ARID1B: variants seen among roughly 807,000 people sequenced by gnomAD.
ARID1B encodes AT-rich interactive domain-containing protein 1B.
A neutral mutation model predicts 212.3 loss-of-function variants in ARID1B; 30 were observed. That is an observed-to-expected ratio of 0.14 (90% confidence interval 0.11 to 0.19). The LOEUF is 0.19. Among genes scored for constraint, ARID1B ranks in the 10% least tolerant of loss-of-function variants. The pLI is 1.00. For missense variants in ARID1B, 2,891 were observed against 3,204.0 expected (o/e 0.90, Z 2.36); for synonymous variants, 1,402 against 1,301.7 (o/e 1.08, Z -1.66).
At chr6:156,991,366 G>T (rs1298888388) in intron 4 of ARID1B, among the ~76,000 whole-genome samples, 1 of 152,164 alleles carries the variant, frequency 6.6e-6, no homozygotes, top group Non-Finnish European at 1.5e-5. Context: ...AAGTAGCTGG[G>T]ATTACAGGTG....
At chr6:156,785,923 T>C (rs1779600518) in intron 1 of ARID1B, among the ~76,000 whole-genome samples, 1 of 152,208 alleles carries the variant, frequency 6.6e-6, no homozygotes, top group South Asian at 2.1e-4. Context: ...GAGGATCTCT[T>C]TGGAGATGTG....
At chr6:156,972,305 A>C (rs1003353299) in intron 4 of ARID1B, among the ~76,000 whole-genome samples, 1 of 152,118 alleles carries the variant, frequency 6.6e-6, no homozygotes, top group Non-Finnish European at 1.5e-5. Flanking sequence ...GACCTTATTT[A>C]GCTGTGGGGC....
At chr6:156,939,196 G>A (rs1024862061) in intron 4 of ARID1B, 2 of 152,134 alleles carry the variant, frequency 1.3e-5, no homozygotes, top group South Asian at 2.1e-4. Context: ...TAAAATTTGA[G>A]CACATTTAGC....
chr6:157,145,439 C>T (rs1407906094), intron 7 of ARID1B, among the ~76,000 whole-genome samples: 2 of 152,140 alleles, frequency 1.3e-5, no homozygotes, highest in African/African-American at 4.8e-5. Flanking sequence ...AAAAAGCGTG[C>T]CTGCCCACAT....
chr6:157,124,857 C>G (rs1788031819), intron 6 of ARID1B, among the ~76,000 whole-genome samples: 1 of 151,794 alleles, frequency 6.6e-6, no homozygotes, highest in Non-Finnish European at 1.5e-5. Context: ...TGATTTGAAG[C>G]TGAAATGGGC....
At position 156,895,714 on chromosome 6, in the gene ARID1B, G is replaced by C. The variant is rs115350974; in HGVS notation, c.1987-5662G>C. Among the ~76,000 whole-genome samples the C allele has an allele frequency of 5.5e-3, 830 of 151,426 alleles. 5 individuals carry two copies. Among genetic ancestry groups the C allele is most frequent in the African/African-American group, 0.019 (766 of 40,900 alleles). Reference sequence around the variant, plus strand: ...TAACAGACACACTTGTGTAATTACAGATACAGTATATACAGGTGTATACAC... The same window carrying C: ...TAACAGACACACTTGTGTAATTACACATACAGTATATACAGGTGTATACAC... On this transcript the variant is annotated intron_variant, in intron 2 of 19. Coordinates refer to ENST00000636930, the MANE Select transcript of ARID1B (RefSeq NM_001374828.1).
At chr6:157,052,471 C>T (rs1045838169) in intron 4 of ARID1B, among the ~76,000 whole-genome samples, 1 of 152,170 alleles carries the variant, frequency 6.6e-6, no homozygotes, top group Non-Finnish European at 1.5e-5. Flanking sequence ...TTTGCACATT[C>T]CTTGTGAAAC....
chr6:156,797,245 C>A (rs1780447690), intron 1 of ARID1B, among the ~76,000 whole-genome samples: 2 of 152,114 alleles, frequency 1.3e-5, no homozygotes, highest in Non-Finnish European at 2.9e-5. Flanking sequence ...AAATTTAATC[C>A]CAGAGACAGC....
At chr6:157,072,013 A>G (rs1332428245) in intron 4 of ARID1B, 1 of 152,230 alleles carries the variant, frequency 6.6e-6, no homozygotes, top group Non-Finnish European at 1.5e-5. Flanking sequence ...CTTAGTAAAA[A>G]TATTAGGTTG....
chr6:156,825,145 G>A (rs879597338), intron 1 of ARID1B, among the ~76,000 whole-genome samples: 2 of 152,188 alleles, frequency 1.3e-5, no homozygotes, highest in African/African-American at 2.4e-5. Flanking sequence ...GATTACAGGC[G>A]TGAGCCGCCG....
chr6:156,916,921 CAAAG>C (rs1475609988), intron 3 of ARID1B, among the ~76,000 whole-genome samples: 1 of 152,144 alleles, frequency 6.6e-6, no homozygotes, highest in Admixed American at 6.5e-5. Context: ...TCAGGTAACT[CAAAG>C]AGAGTTGCCT....
intron 4 of ARID1B, among the ~76,000 whole-genome samples, chr6:157,060,740 T>C (rs1248701060): frequency 1.4e-5 from 2 of 143,398 alleles, no homozygotes; most frequent in African/African-American, 5.2e-5. Flanking sequence ...TGGTAATAAA[T>C]ATCTGCTGAT....
intron 8 of ARID1B, chr6:157,150,821 G>C: frequency 5.5e-6 from 1 of 182,416 alleles, no homozygotes; most frequent in East Asian, 8.9e-5. Flanking sequence ...GCAACTCTCA[G>C]GCTCCCATGG....
At chr6:156,808,814 A>C (rs1279636770) in intron 1 of ARID1B, among the ~76,000 whole-genome samples, 1 of 152,212 alleles carries the variant, frequency 6.6e-6, no homozygotes, top group Admixed American at 6.5e-5. Flanking sequence ...AAAGGAGAGA[A>C]ACTTCTTTTA....
chr6:157,080,185 G>A (rs1214195838), intron 4 of ARID1B, among the ~76,000 whole-genome samples: 3 of 152,174 alleles, frequency 2.0e-5, no homozygotes, highest in Admixed American at 1.3e-4. Context: ...TTCTATGAGC[G>A]GCTGATCTAA....
At chr6:157,198,344 T>A (rs536818871) in intron 16 of ARID1B, among the ~76,000 whole-genome samples, 1 of 152,374 alleles carries the variant, frequency 6.6e-6, no homozygotes, top group South Asian at 2.1e-4. Flanking sequence ...AATGAGAATG[T>A]GCAAAGTACA....
At chr6:157,121,753 T>C (rs968960518) in intron 6 of ARID1B, among the ~76,000 whole-genome samples, 3 of 149,374 alleles carry the variant, frequency 2.0e-5, no homozygotes, top group Admixed American at 6.8e-5. Flanking sequence ...TGCCTCAGCC[T>C]CCCGAGTAGC....
chr6:157,189,896 G>C (rs1396649736), intron 14 of ARID1B, 116 bp downstream of exon 14: 29 of 1,573,358 alleles, frequency 1.8e-5, no homozygotes, highest in Non-Finnish European at 2.2e-5. Flanking sequence ...TTTAAATGTT[G>C]ATGACTGCCA....
At chr6:157,174,533 C>CT (rs1025155807) in intron 10 of ARID1B, among the ~76,000 whole-genome samples, 223 of 145,432 alleles carry the variant, frequency 1.5e-3, no homozygotes, top group Admixed American at 2.3e-3. Context: ...AGGTGAACAG[C>CT]TTTTTTTTTT....
Sources: allele counts gnomAD v4.1 joint callset (sites outside exome capture counted in the v4.1 genomes callset), GRCh38; gene constraint gnomAD v4.1.1; transcripts MANE v1.5; gene names NCBI Gene and HGNC (gene_info 2026-07-23, HGNC 2026-07-21).